Variants in TEX15 observed in about 807,000 individuals in gnomAD.
TEX15 encodes testis-expressed protein 15.
Under a neutral mutation model 237.3 loss-of-function variants are expected in TEX15, and 171 were observed. That is an observed-to-expected ratio of 0.72 (90% CI 0.64 to 0.82). The LOEUF is 0.82. Ranked by LOEUF, TEX15 falls within the 40% of genes least tolerant of loss-of-function variation. The pLI, the probability that TEX15 is intolerant of heterozygous loss-of-function variation, is 0.00. For synonymous variants in TEX15, 1,338 were observed against 1,269.8 expected (o/e 1.05, Z -1.14); for missense variants, 3,750 against 3,646.5 (o/e 1.03, Z -0.73).
intron 10 of TEX15, among the ~76,000 whole-genome samples, chr8:30,833,806 T>TA (rs1807234834): frequency 6.6e-6 from 1 of 152,348 alleles, no homozygotes; most frequent in African/African-American, 2.4e-5. Flanking sequence ...TAATTTTTTT[T>TA]AGAGTGACTT....
At position 30,846,918 on chromosome 8, in the gene TEX15, G is replaced by T. The variant is rs761725367; in HGVS notation, c.3249C>A (p.Asn1083Lys). The T allele has an allele frequency of 6.2e-7, 1 of 1,613,568 alleles. No individual in the cohort carries two copies. The highest frequency in any genetic ancestry group is 8.5e-7 in the Non-Finnish European group (1 of 1,179,636). The change falls in exon 8 of 11, where the codon AAC becomes AAA. Residue 1083 changes from asparagine to lysine, a missense_variant. By Grantham distance (94) the Asn-to-Lys change is moderately conservative (BLOSUM62 0). Coordinates refer to ENST00000643185, the MANE Select transcript of TEX15 (RefSeq NM_001350162.2). ...IFQQDTHSHE[N>K]MLCEEFVTSY... ...AGGTCACAAATTCTTCACAAAGCATGTTTTCATGGCTATGTGTATCTTGTT... is the reference window on the plus strand; with the variant it reads ...AGGTCACAAATTCTTCACAAAGCATTTTTTCATGGCTATGTGTATCTTGTT...
rs139929980 is a variant in TEX15 at position 30,845,179 on chromosome 8, T to C, written c.4988A>G (p.Asn1663Ser). 1.2e-4 allele frequency: 199 copies of C among 1,613,516 alleles called. 1 individual carries two copies. The African/African-American group carries it at 2.3e-3, about 19-fold the overall frequency. ...VLDSNVKHFL[N>S]DLYQQGNLIL... ...AAGGTTACCTTGTTGGTAGAGATCA[T>C]TTAAAAAGTGCTTCACATTTGAATC... Residue 1663 changes from asparagine (N) to serine (S), a missense_variant, in exon 8 of 11, where the codon AAT becomes AGT. Transcript: ENST00000643185.
At chr8:30,841,903 C>T in intron 8 of TEX15, 101 bp downstream of exon 8, 1 of 728,904 alleles carries the variant, frequency 1.4e-6, no homozygotes, top group South Asian at 2.8e-5. Context: ...GACAATTTAC[C>T]ATTCTTAACT....
chr8:30,837,925 G>T lies in TEX15; in HGVS notation c.8359C>A (p.Pro2787Thr), dbSNP rs778946377. Residue 2787 changes from proline (P) to threonine (T), a missense_variant, in exon 10 of 11, where the codon CCA becomes ACA. Pro to Thr is a conservative substitution (Grantham distance 38). Transcript: ENST00000643185. Reference sequence around the variant, plus strand: ...GACTTTGATGCGCAAGTGTCTTTTGGGTTCTCTAAGGGTAAAAGTGAGCCA... The same window carrying T: ...GACTTTGATGCGCAAGTGTCTTTTGTGTTCTCTAAGGGTAAAAGTGAGCCA... ...LPGSLLPLEN[P>T]KDTCASKSES... The T allele has an allele frequency of 6.2e-7, 1 of 1,614,044 alleles. No individual in the cohort carries two copies. The highest frequency in any genetic ancestry group is 1.1e-5 in the South Asian group (1 of 91,076).
At chr8:30,875,518 C>G (rs920533614) in intron 3 of TEX15, among the ~76,000 whole-genome samples, 1 of 152,116 alleles carries the variant, frequency 6.6e-6, no homozygotes, top group Admixed American at 6.6e-5. Context: ...TGCAAAAGTA[C>G]AAGAACATGT....
intron 6 of TEX15, among the ~76,000 whole-genome samples, 168 bp downstream of exon 6, chr8:30,859,743 T>C (rs1427584593): frequency 6.6e-6 from 1 of 152,232 alleles, no homozygotes; most frequent in Non-Finnish European, 1.5e-5. Context: ...TTCAAACTTC[T>C]TCACTAATAT....
intron 10 of TEX15, among the ~76,000 whole-genome samples, chr8:30,834,014 A>C (rs1807238572): frequency 6.6e-6 from 1 of 152,138 alleles, no homozygotes. Flanking sequence ...AACAATTACA[A>C]TCAAGATTTC....
At chr8:30,883,137 G>T (rs1479872066) in intron 3 of TEX15, among the ~76,000 whole-genome samples, 1 of 151,874 alleles carries the variant, frequency 6.6e-6, no homozygotes, top group Admixed American at 6.6e-5. Context: ...TAGAGACAGG[G>T]TCTCACTCTG....
intron 10 of TEX15, among the ~76,000 whole-genome samples, chr8:30,835,280 T>G (rs771746477): frequency 2.6e-5 from 4 of 152,072 alleles, no homozygotes; most frequent in Non-Finnish European, 4.4e-5. Flanking sequence ...AATTTTTGTA[T>G]TTTTAGTAGA....
chr8:30,907,125 T>C (rs1236046004), intron 1 of TEX15, among the ~76,000 whole-genome samples: 1 of 152,140 alleles, frequency 6.6e-6, no homozygotes, highest in Non-Finnish European at 1.5e-5. Flanking sequence ...GAAGAATTTG[T>C]TGTTGATTTA....
chr8:30,844,518 G>A lies in TEX15; in HGVS notation c.5649C>T (p.Ser1883=). ...KNQKNQISEE[S]CLNEKIITTN... is the part of the protein sequence containing the mutation. Reference sequence around the variant, plus strand: ...TTGTAATAATTTTCTCATTTAAGCAGGATTCTTCTGAGATCTGATTCTTTT... The same window carrying A: ...TTGTAATAATTTTCTCATTTAAGCAAGATTCTTCTGAGATCTGATTCTTTT... Residue 1883 remains serine (S), a synonymous_variant, in exon 8 of 11, where the codon TCC becomes TCT. Coordinates refer to ENST00000643185, the MANE Select transcript of TEX15 (RefSeq NM_001350162.2). 1.2e-6 allele frequency: 2 copies of A among 1,612,808 alleles called. No homozygotes were observed. Among genetic ancestry groups the A allele is most frequent in the Non-Finnish European group, 8.5e-7 (1 of 1,179,494 alleles).
chr8:30,879,188 C>G (rs1436475774), intron 3 of TEX15, among the ~76,000 whole-genome samples: 2 of 152,008 alleles, frequency 1.3e-5, no homozygotes, highest in Non-Finnish European at 2.9e-5. Flanking sequence ...TAAGTCCTTG[C>G]TCAGATAAAC....
At chr8:30,866,029 A>G (rs1585297315) in intron 5 of TEX15, among the ~76,000 whole-genome samples, 2 of 152,174 alleles carry the variant, frequency 1.3e-5, no homozygotes, top group African/African-American at 4.8e-5. Flanking sequence ...ACATGATCTT[A>G]TATTTAGGAA....
chr8:30,888,788 C>T lies in TEX15; in HGVS notation c.-9-1477G>A, dbSNP rs1053624942. ...GGTTCACAAGGATGTCCCTCTTAAT[C>T]CCCTCCTGTTCTTTATGAAAGGTGA... On this transcript the variant is annotated intron_variant, in intron 2 of 10. Transcript: ENST00000643185. 3.1e-5 allele frequency: 16 copies of T among 516,258 alleles called. No homozygotes were observed. The African/African-American group carries it at 3.2e-4, about 10-fold the overall frequency. The allele number at this position is 516,258 out of a possible 1,614,324, so 32.0% of individuals were successfully genotyped here. A position where few individuals can be genotyped will look rare whatever the true frequency, so the allele number is the denominator to read the frequency against.
At chr8:30,863,789 C>T (rs1419057237) in intron 5 of TEX15, among the ~76,000 whole-genome samples, 1 of 152,040 alleles carries the variant, frequency 6.6e-6, no homozygotes, top group Non-Finnish European at 1.5e-5. Context: ...CAGGTTGATC[C>T]TTGGCACAGA....
At chr8:30,838,149 CA>C (rs1807354984) in intron 9 of TEX15, 88 bp from the exon 10 acceptor site, 2 of 1,199,566 alleles carry the variant, frequency 1.7e-6, no homozygotes, top group Non-Finnish European at 2.3e-6. Context: ...AATTTTTATC[CA>C]GGGGAAGAGT....
intron 9 of TEX15, among the ~76,000 whole-genome samples, chr8:30,839,006 G>C (rs1403503659): frequency 7.9e-5 from 12 of 151,758 alleles, no homozygotes; most frequent in Non-Finnish European, 1.6e-4. Flanking sequence ...AGTAGAGATA[G>C]TGTTTCACCA....
Position 30,848,331 on chromosome 8 carries a change from A to T in TEX15, c.1836T>A (p.Asp612Glu). Residue 612 changes from aspartate (D) to glutamate (E), a missense_variant, in exon 8 of 11, where the codon GAT becomes GAA. Physicochemically the swap from Asp to Glu is conservative, Grantham distance 45 (BLOSUM62 2). Transcript: ENST00000643185. Reference sequence around the variant, plus strand: ...TCTTTCCAGTATTTTGAAGGTATTCATCAATGCTTACTTTCTTTTTGAGTG... The same window carrying T: ...TCTTTCCAGTATTTTGAAGGTATTCTTCAATGCTTACTTTCTTTTTGAGTG... The part of the protein sequence containing the change: ...VFPLKKKVSI[D>E]EYLQNTGKMK... 1 of 1,614,126 alleles carries T rather than the reference A, an allele frequency of 6.2e-7. No individual in the cohort carries two copies. Among genetic ancestry groups the T allele is most frequent in the Non-Finnish European group, 8.5e-7 (1 of 1,180,024 alleles).
chr8:30,869,200 G>A (rs1808237906), intron 4 of TEX15, among the ~76,000 whole-genome samples: 1 of 151,862 alleles, frequency 6.6e-6, no homozygotes, highest in Non-Finnish European at 1.5e-5. Flanking sequence ...CAGACGACAG[G>A]ATCTAAATCA....
Sources: allele counts gnomAD v4.1 joint callset (sites outside exome capture counted in the v4.1 genomes callset), GRCh38; gene constraint gnomAD v4.1.1; transcripts MANE v1.5; gene names NCBI Gene and HGNC (gene_info 2026-07-23, HGNC 2026-07-21).